GON4L: variants seen among roughly 807,000 people sequenced by gnomAD.
GON4L encodes the protein gon-4 like.
A neutral mutation model predicts 211.8 loss-of-function variants in GON4L; 87 were observed. The ratio of observed to expected loss-of-function variants is 0.41; its 90% confidence interval spans 0.35 to 0.49. GON4L has a LOEUF of 0.49. Ranked by LOEUF, GON4L falls within the 20% of genes least tolerant of loss-of-function variation. GON4L has a pLI of 0.15. For synonymous variants in GON4L, 875 were observed against 962.6 expected (o/e 0.91, Z 1.68); for missense variants, 2,155 against 2,659.5 (o/e 0.81, Z 4.17).
intron 11 of GON4L, among the ~76,000 whole-genome samples, chr1:155,803,685 A>G (rs1352716863): frequency 2.0e-5 from 3 of 152,184 alleles, no homozygotes; most frequent in Non-Finnish European, 2.9e-5. Flanking sequence ...TCCATGCTGA[A>G]CAGTCTCCCT....
intron 24 of GON4L, 86 bp downstream of exon 24, chr1:155,760,358 C>T: frequency 1.2e-6 from 1 of 805,518 alleles, no homozygotes; most frequent in Non-Finnish European, 2.0e-6. Flanking sequence ...AGCTGGGAGA[C>T]TGAAAGAGTC....
rs147323300 is a variant in GON4L, at chr1:155,766,264, G to A, written c.3209C>T (p.Ala1070Val). The change falls in exon 21 of 32, where the codon GCA becomes GTA. Residue 1070 changes from alanine (A) to valine (V), a missense_variant. Ala to Val is a moderately conservative substitution (Grantham distance 64, BLOSUM62 0). Transcript: ENST00000368331. Reference sequence around the variant, plus strand: ...CTCAGGGGGCACAGCAGGCAGTGCTGCAGGAGACTCAAAACTCTCACCTCC... The same window carrying A: ...CTCAGGGGGCACAGCAGGCAGTGCTACAGGAGACTCAAAACTCTCACCTCC... ...VSGGESFESP[A>V]ALPAVPPEAR... The A allele has an allele frequency of 4.3e-6, 7 of 1,614,040 alleles. No individual in the cohort carries two copies. The African/African-American group carries it at 9.3e-5, about 22-fold the overall frequency.
rs552402208 is a variant in GON4L, at chr1:155,752,366, C to A, written c.6067G>T (p.Val2023Leu). The change falls in exon 30 of 32, where the codon GTG becomes TTG. Residue 2023 changes from valine (V) to leucine (L), a missense_variant. Val to Leu is a conservative substitution (Grantham distance 32). Transcript: ENST00000368331. ...AGCATCAAAGCCTCTGACTCACTCA[C>A]TGCCTTTTGGCCCTCCCTCTCTTTC... ...LQKEREGQKA[V>L]SESEALMLVW... The A allele has an allele frequency of 1.4e-4, 220 of 1,599,878 alleles. No homozygotes were observed. The highest frequency in any genetic ancestry group is 4.5e-4 in the Admixed American group (26 of 57,696).
intron 14 of GON4L, among the ~76,000 whole-genome samples, chr1:155,782,746 G>A (rs985865932): frequency 6.6e-6 from 1 of 151,780 alleles, no homozygotes; most frequent in Admixed American, 6.6e-5. Flanking sequence ...TGCAACCTCC[G>A]CTTTCCGGGT....
At chr1:155,821,618 TA>T (rs755722139) in intron 4 of GON4L, 70 bp from the exon 5 acceptor site, 36 of 876,460 alleles carry the variant, frequency 4.1e-5, no homozygotes, top group Non-Finnish European at 6.7e-5. Context: ...TCTCTCCATG[TA>T]ACTGTCAGAC....
chr1:155,745,132 C>A (rs1182632513), downstream of GON4L, among the ~76,000 whole-genome samples: 1 of 152,190 alleles, frequency 6.6e-6, no homozygotes, highest in East Asian at 1.9e-4. Context: ...AGAATATATT[C>A]ATTCTTTAGA....
rs1204366507 is a variant in GON4L at position 155,789,746 on chromosome 1, G to A, written c.1748-4372C>T. ...AAAGTCATCCCTCAGTATCTGTGGA[G>A]GTTGGTTCCAGGAGCCAATCTCCTG... On this transcript the variant is annotated intron_variant, in intron 12 of 31. Transcript: ENST00000368331. 9.2e-5 allele frequency among the ~76,000 whole-genome samples: 14 copies of A among 152,158 alleles called. No individual in the cohort carries two copies. The East Asian group carries it at 2.5e-3, about 27-fold the overall frequency.
At chr1:155,855,745 G>A (rs866945632) in intron 1 of GON4L, among the ~76,000 whole-genome samples, 4 of 152,252 alleles carry the variant, frequency 2.6e-5, no homozygotes, top group Non-Finnish European at 2.9e-5. Context: ...CACTCTGGGA[G>A]GCCAAGGCGG....
At chr1:155,801,267 AT>A (rs1231428546) in intron 11 of GON4L, among the ~76,000 whole-genome samples, 1 of 152,054 alleles carries the variant, frequency 6.6e-6, no homozygotes, top group Admixed American at 6.6e-5. Flanking sequence ...GGATATGTAC[AT>A]TTTTTTCTGG....
intron 2 of GON4L, among the ~76,000 whole-genome samples, chr1:155,853,012 T>G (rs1671950410): frequency 6.6e-6 from 1 of 151,984 alleles, no homozygotes; most frequent in Non-Finnish European, 1.5e-5. Context: ...CTTGAGAGAC[T>G]GAGGCAGGAG....
intron 2 of GON4L, among the ~76,000 whole-genome samples, chr1:155,835,698 T>C (rs958122915): frequency 6.6e-6 from 1 of 152,184 alleles, no homozygotes; most frequent in Non-Finnish European, 1.5e-5. Context: ...TACATACAGC[T>C]AGCCAGCAAT....
intron 4 of GON4L, 101 bp downstream of exon 4, chr1:155,822,185 G>A (rs1359290957): frequency 8.4e-6 from 8 of 952,928 alleles, no homozygotes; most frequent in South Asian, 6.5e-5. Context: ...CCACAAAATC[G>A]GTAATTCACG....
At chr1:155,809,997 T>A (rs369032459) in intron 10 of GON4L, among the ~76,000 whole-genome samples, 9,822 of 103,734 alleles carry the variant, frequency 0.095, 1,234 homozygotes, top group Non-Finnish European at 0.13. Flanking sequence ...TATAATTATA[T>A]ATATATATAT....
At chr1:155,766,871 C>T (rs1252873236) in intron 20 of GON4L, among the ~76,000 whole-genome samples, 162 bp from the exon 21 acceptor site, 5 of 152,142 alleles carry the variant, frequency 3.3e-5, no homozygotes, top group Non-Finnish European at 7.3e-5. Flanking sequence ...CACGGTGAAA[C>T]CCCGTCTCTA....
At chr1:155,777,379 G>A (rs1005190799) in intron 15 of GON4L, among the ~76,000 whole-genome samples, 7 of 152,138 alleles carry the variant, frequency 4.6e-5, no homozygotes, top group Non-Finnish European at 7.3e-5. Flanking sequence ...AGGAGTTCGA[G>A]ACCAGCCTGG....
At chr1:155,812,830 T>G (rs1204426230) in intron 10 of GON4L, among the ~76,000 whole-genome samples, 1 of 152,200 alleles carries the variant, frequency 6.6e-6, no homozygotes, top group Non-Finnish European at 1.5e-5. Context: ...GTGCTAGGAT[T>G]ACAGGCATGA....
At chr1:155,746,098 CAGG>C, downstream of GON4L, 2 of 854,794 alleles carry the variant, frequency 2.3e-6, no homozygotes, top group Non-Finnish European at 3.5e-6. Context: ...GCTGCACGGC[CAGG>C]AGACCTACAC....
At chr1:155,821,649 G>A in intron 4 of GON4L, 101 bp from the exon 5 acceptor site, 2 of 753,202 alleles carry the variant, frequency 2.7e-6, no homozygotes, top group East Asian at 5.2e-5. Flanking sequence ...GGACAAATGA[G>A]AACCATATAC....
chr1:155,846,981 CAA>C (rs1356942739), intron 2 of GON4L, among the ~76,000 whole-genome samples: 11 of 152,074 alleles, frequency 7.2e-5, no homozygotes, highest in Admixed American at 6.6e-4. Flanking sequence ...GCCTGGGAAA[CAA>C]GAGTGAAACT....
Sources: gnomAD v4.1 joint callset for allele counts (sites outside exome capture counted in the v4.1 genomes callset) on GRCh38, gnomAD v4.1.1 for gene constraint, MANE v1.5 for transcripts, NCBI Gene and HGNC (gene_info 2026-07-23, HGNC 2026-07-21) for gene names.